RBM27: variants seen among roughly 807,000 people sequenced by gnomAD.
RBM27 encodes RNA binding motif protein 27, also known as RNA-binding protein 27.
In RBM27, 22 loss-of-function variants were observed where a neutral mutation model predicts 135.3. The observed-to-expected ratio is 0.16, with a 90% confidence interval of 0.12 to 0.23. The LOEUF is 0.23. RBM27 is among the 10% of genes least tolerant of loss of function. RBM27 has a pLI of 1.00. For missense variants in RBM27, 1,009 were observed against 1,281.0 expected (o/e 0.79, Z 3.24); for synonymous variants, 481 against 442.4 (o/e 1.09, Z -1.10).
chr5:146,218,362 C>G (rs1046883633), intron 1 of RBM27, among the ~76,000 whole-genome samples: 1 of 152,216 alleles, frequency 6.6e-6, no homozygotes, highest in Non-Finnish European at 1.5e-5. Context: ...CCTTTCACCA[C>G]TTCTCTTTTC....
At chr5:146,284,140 T>G (rs560963998) in intron 19 of RBM27, among the ~76,000 whole-genome samples, 147 of 152,316 alleles carry the variant, frequency 9.7e-4, no homozygotes, top group African/African-American at 3.3e-3. Flanking sequence ...TGGGAGGTGC[T>G]TATTAGTGTA....
intron 7 of RBM27, among the ~76,000 whole-genome samples, chr5:146,234,682 G>A (rs1394357378): frequency 6.6e-6 from 1 of 152,038 alleles, no homozygotes; most frequent in Non-Finnish European, 1.5e-5. Flanking sequence ...GGAATGAATT[G>A]TTTTCATGTA....
At chr5:146,210,664 A>G (rs1250793132) in intron 1 of RBM27, among the ~76,000 whole-genome samples, 1 of 152,186 alleles carries the variant, frequency 6.6e-6, no homozygotes, top group Non-Finnish European at 1.5e-5. Context: ...ATTTCTGTTT[A>G]TAGCCGGGCA....
chr5:146,279,232 G>A (rs933977850), intron 19 of RBM27, among the ~76,000 whole-genome samples: 1 of 149,426 alleles, frequency 6.7e-6, no homozygotes, highest in Non-Finnish European at 1.5e-5. Flanking sequence ...GGTGGATCAC[G>A]AGGTCAGGAG....
At chr5:146,273,990 T>C (rs6867146) in intron 19 of RBM27, among the ~76,000 whole-genome samples, 58,463 of 152,058 alleles carry the variant, frequency 0.38, 11,803 homozygotes, top group African/African-American at 0.49. Flanking sequence ...CCTTTAAAAA[T>C]GTATTTTTTT....
At chr5:146,215,708 T>C (rs973311020) in intron 1 of RBM27, among the ~76,000 whole-genome samples, 1 of 152,192 alleles carries the variant, frequency 6.6e-6, no homozygotes. Context: ...CCTACACATC[T>C]GTTTTTTAAG....
chr5:146,243,039 G>A (rs947489773), intron 8 of RBM27, among the ~76,000 whole-genome samples: 1 of 152,102 alleles, frequency 6.6e-6, no homozygotes, highest in Non-Finnish European at 1.5e-5. Context: ...GCTAAGGCAG[G>A]CGGATCACCT....
intron 19 of RBM27, among the ~76,000 whole-genome samples, chr5:146,273,229 A>G (rs1485477560): frequency 6.6e-6 from 1 of 152,206 alleles, no homozygotes; most frequent in Non-Finnish European, 1.5e-5. Flanking sequence ...AGACAGCTAC[A>G]TGTTCTATCC....
chr5:146,263,357 C>A lies in RBM27; in HGVS notation c.2191-134C>A, dbSNP rs539670290. 800 of 803,798 alleles carry A rather than the reference C, an allele frequency of 1.0e-3. 4 individuals are homozygous for A. The highest frequency in any genetic ancestry group is 1.4e-3 in the Non-Finnish European group (735 of 521,822). 49.8% of individuals were successfully genotyped at this position (803,798 alleles called of 1,614,324 possible). A position where few individuals can be genotyped will look rare whatever the true frequency, so the allele number is the denominator to read the frequency against. ...CACCAGTTCCCCTTAAAAAATAAAACCTTACGGATAATTGAAGCACCTTCC... is the reference window on the plus strand; with the variant it reads ...CACCAGTTCCCCTTAAAAAATAAAAACTTACGGATAATTGAAGCACCTTCC... On this transcript the variant is annotated intron_variant, in intron 13 of 20. Coordinates refer to ENST00000265271, the MANE Select transcript of RBM27 (RefSeq NM_018989.2).
At chr5:146,214,485 G>A (rs932727109) in intron 1 of RBM27, among the ~76,000 whole-genome samples, 5 of 152,178 alleles carry the variant, frequency 3.3e-5, no homozygotes, top group African/African-American at 1.2e-4. Context: ...AAGAGTCTTA[G>A]TTGTACTCAG....
intron 1 of RBM27, among the ~76,000 whole-genome samples, chr5:146,216,653 C>G (rs183224703): frequency 5.9e-5 from 9 of 152,030 alleles, no homozygotes; most frequent in Non-Finnish European, 1.2e-4. Flanking sequence ...AAAATCTTTA[C>G]TTTCTTTTAT....
At chr5:146,250,713 A>G (rs1176167857) in intron 8 of RBM27, among the ~76,000 whole-genome samples, 4 of 147,564 alleles carry the variant, frequency 2.7e-5, no homozygotes, top group African/African-American at 7.5e-5. Flanking sequence ...CTTAATATCC[A>G]GGATAATTTC....
At chr5:146,263,389 C>T in intron 13 of RBM27, 102 bp from the exon 14 acceptor site, 1 of 1,184,950 alleles carries the variant, frequency 8.4e-7, no homozygotes, top group Non-Finnish European at 1.2e-6. Context: ...TTCCCGTTCC[C>T]ATTTTCTTAT....
intron 19 of RBM27, among the ~76,000 whole-genome samples, chr5:146,275,995 A>G (rs1162678090): frequency 6.6e-6 from 1 of 152,034 alleles, no homozygotes; most frequent in Non-Finnish European, 1.5e-5. Context: ...GTTGCCTTTT[A>G]TTAGGCTTTT....
At chr5:146,236,799 C>G (rs903251380) in intron 7 of RBM27, among the ~76,000 whole-genome samples, 9 of 151,054 alleles carry the variant, frequency 6.0e-5, no homozygotes, top group African/African-American at 2.2e-4. Flanking sequence ...TATTTTTGTA[C>G]TTTTAGTAGA....
At chr5:146,203,948 G>C in intron 1 of RBM27, 124 bp downstream of exon 1, 1 of 979,670 alleles carries the variant, frequency 1.0e-6, no homozygotes, top group South Asian at 1.8e-5. Context: ...TCCCGGCGAC[G>C]CCTTCCCTGT....
At position 146,251,701 on chromosome 5, in the gene RBM27, T is replaced by C. The variant is rs1375248475; in HGVS notation, c.1280-10T>C. The C allele has an allele frequency of 3.1e-6, 5 of 1,598,880 alleles. No individual in the cohort carries two copies. The highest frequency in any genetic ancestry group is 1.7e-5 in the Admixed American group (1 of 59,860). ...CATTCCCAGCTGCCCTCCTATTCTTTCCTCTATAGGACAGCCCATGTACTC... is the reference window on the plus strand; with the variant it reads ...CATTCCCAGCTGCCCTCCTATTCTTCCCTCTATAGGACAGCCCATGTACTC... On this transcript the variant is annotated splice_polypyrimidine_tract_variant and intron_variant, in intron 8 of 20. Coordinates refer to ENST00000265271, the MANE Select transcript of RBM27 (RefSeq NM_018989.2).
intron 7 of RBM27, among the ~76,000 whole-genome samples, chr5:146,234,394 T>G (rs937184739): frequency 1.3e-5 from 2 of 152,148 alleles, no homozygotes; most frequent in African/African-American, 4.8e-5. Context: ...TTCCCTTCTC[T>G]CCCATACACT....
intron 9 of RBM27, 124 bp downstream of exon 9, chr5:146,251,999 T>G: frequency 9.1e-7 from 1 of 1,094,554 alleles, no homozygotes; most frequent in Non-Finnish European, 1.3e-6. Flanking sequence ...CATAGGTAGT[T>G]TTATTTTCTG....
Sources: gnomAD v4.1 joint callset for allele counts (sites outside exome capture counted in the v4.1 genomes callset) on GRCh38, gnomAD v4.1.1 for gene constraint, MANE v1.5 for transcripts, NCBI Gene and HGNC (gene_info 2026-07-23, HGNC 2026-07-21) for gene names.